Variants in KANK4 observed in about 807,000 individuals in gnomAD.
The protein encoded by KANK4 is KN motif and ankyrin repeat domain-containing protein 4.
In KANK4, 50 loss-of-function variants were observed where a neutral mutation model predicts 80.8. The ratio of observed to expected loss-of-function variants is 0.62; its 90% CI spans 0.49 to 0.78. The LOEUF is 0.78. Among genes scored for constraint, KANK4 ranks in the 30% least tolerant of loss-of-function variants. The pLI is 0.00. For missense variants in KANK4, 1,196 were observed against 1,240.1 expected, an observed-to-expected ratio of 0.96 and a Z score of 0.53; for synonymous variants, 465 against 506.9, an observed-to-expected ratio of 0.92 and a Z score of 1.11.
Position 62,275,011 on chromosome 1 carries a change from A to G in KANK4, c.93T>C (p.Tyr31=). 6.2e-7 allele frequency: 1 copy of G among 1,614,124 alleles called. No individual in the cohort carries two copies. The highest frequency in any genetic ancestry group is 8.5e-7 in the Non-Finnish European group (1 of 1,180,000). ...GGAAGTCCAGGTCTAAATGAAAGCC[A>G]TATGGGGTCTCCACAGAATAAGGGT... The part of the protein sequence containing the change: ...KSHPYSVETP[Y]GFHLDLDFLK... Residue 31 remains tyrosine (Y), a synonymous_variant, in exon 3 of 10, where the codon TAT becomes TAC. Coordinates refer to ENST00000371153, the MANE Select transcript of KANK4 (RefSeq NM_181712.5).
At chr1:62,281,710 C>G (rs1469415790) in intron 1 of KANK4, 76 bp from the exon 2 acceptor site, 12 of 915,526 alleles carry the variant, frequency 1.3e-5, no homozygotes, top group South Asian at 2.6e-5. Context: ...CAGCACTAAA[C>G]AAAGTAACAT....
chr1:62,268,435 CCT>C lies in KANK4; in HGVS notation c.2081_2082del (p.Glu694GlyfsTer6). 6.2e-7 allele frequency: 1 copy of C among 1,613,944 alleles called. No individual in the cohort carries two copies. The highest frequency in any genetic ancestry group is 1.7e-5 in the Admixed American group (1 of 60,022). On this transcript the variant is annotated frameshift_variant, in exon 5 of 10. Coordinates refer to ENST00000371153, the MANE Select transcript of KANK4 (RefSeq NM_181712.5). LOFTEE classifies it high-confidence loss of function. ...TCTGGGCCGTCACACTTCTTCTCTG[CCT>C]CGCTGTCAGACAAGTCCTCTGGGGT... The part of the protein sequence containing the change: ...DSTPEDLSDS[E>X]AEKKCDGPDH...
intron 1 of KANK4, among the ~76,000 whole-genome samples, chr1:62,286,749 T>C (rs1016224635): frequency 6.6e-6 from 1 of 152,116 alleles, no homozygotes; most frequent in Non-Finnish European, 1.5e-5. Context: ...AGAAACATCC[T>C]TCCCTACCCC....
chr1:62,274,165 C>T lies in KANK4; in HGVS notation c.939G>A (p.Pro313=), dbSNP rs559482425. ...TTCTCATGTCCACCTCTACAGGTGG[C>T]GGGGGTGGAATCTCGCTGATGTTGA... The part of the protein sequence containing the change: ...IELNISEIPP[P]PPVEVDMRSI... Residue 313 remains proline (P), a synonymous_variant, in exon 3 of 10, where the codon CCG becomes CCA. Coordinates refer to ENST00000371153, the MANE Select transcript of KANK4 (RefSeq NM_181712.5). The T allele has an allele frequency of 4.3e-5, 70 of 1,614,114 alleles. 1 individual carries two copies. The Middle Eastern group carries it at 1.8e-3, about 42-fold the overall frequency.
rs77269598 is a variant in KANK4, at chr1:62,288,473, G to A, written c.-70-6839C>T. Among the ~76,000 whole-genome samples, 1,226 of 152,284 alleles carry A rather than the reference G, an allele frequency of 8.1e-3. 15 individuals are homozygous for A. The highest frequency in any genetic ancestry group is 0.029 in the African/African-American group (1,187 of 41,540). On this transcript the variant is annotated intron_variant, in intron 1 of 9. Transcript: ENST00000371153. ...GGCTGCACAGGGCTGAGAAGGGCAC[G>A]CTTGTTAGGTATTCACACACTCAAA... is the stretch of plus-strand genomic sequence containing the variant.
At chr1:62,251,887 G>A (rs1374027754) in intron 8 of KANK4, among the ~76,000 whole-genome samples, 1 of 151,886 alleles carries the variant, frequency 6.6e-6, no homozygotes, top group Non-Finnish European at 1.5e-5. Flanking sequence ...AGCTACTTGG[G>A]AGGCTGAGGC....
chr1:62,273,747 CA>C lies in KANK4; in HGVS notation c.1356del (p.Asn452LysfsTer113). 3 of 1,614,124 alleles carry C rather than the reference CA, an allele frequency of 1.9e-6. No individual in the cohort carries two copies. The highest frequency in any genetic ancestry group is 2.5e-6 in the Non-Finnish European group (3 of 1,180,008). Reference protein sequence around the residue: ...SESWGHRGEENGLLWGPDGHK... With the variant: ...SESWGHRGEEXGLLWGPDGHK... Reference sequence around the variant, plus strand: ...TGACCATCTGGCCCCCATAGGAGGCCATTCTCCTCTCCTCGGTGCCCCCAGC... The same window carrying C: ...TGACCATCTGGCCCCCATAGGAGGCCTTCTCCTCTCCTCGGTGCCCCCAGC... On this transcript the variant is annotated frameshift_variant, in exon 3 of 10. Coordinates refer to ENST00000371153, the MANE Select transcript of KANK4 (RefSeq NM_181712.5). LOFTEE classifies it high-confidence loss of function.
intron 2 of KANK4, among the ~76,000 whole-genome samples, chr1:62,277,071 C>T (rs1160278029): frequency 6.6e-6 from 1 of 152,122 alleles, no homozygotes; most frequent in African/African-American, 2.4e-5. Context: ...TAAGCTAGAC[C>T]CTAAGGACAC....
Position 62,274,369 on chromosome 1 carries a change from G to T in KANK4, c.735C>A (p.Leu245=), listed in dbSNP as rs1239022735. The stretch of plus-strand genomic sequence containing the variant: ...ATGAGAAAGGAGGGCCTGGGAGAGG[G>T]AGGTGATTTGGAACCTTCACCACAC... ...PEGVVKVPNH[L]PLPGPPFSFQ... The change falls in exon 3 of 10, where the codon CTC becomes CTA. Residue 245 remains leucine, a synonymous_variant. Transcript: ENST00000371153. 6 of 1,614,182 alleles carry T rather than the reference G, an allele frequency of 3.7e-6. No homozygotes were observed. The highest frequency in any genetic ancestry group is 5.1e-6 in the Non-Finnish European group (6 of 1,180,016).
At chr1:62,295,589 C>G (rs1644357237) in intron 1 of KANK4, among the ~76,000 whole-genome samples, 1 of 152,194 alleles carries the variant, frequency 6.6e-6, no homozygotes, top group Non-Finnish European at 1.5e-5. Flanking sequence ...AAATATAAAA[C>G]AGGGTCTTGG....
intron 9 of KANK4, among the ~76,000 whole-genome samples, chr1:62,244,434 T>G (rs1671419473): frequency 6.6e-6 from 1 of 152,122 alleles, no homozygotes; most frequent in Non-Finnish European, 1.5e-5. Flanking sequence ...CATCTTGAAT[T>G]CCCATGTGTT....
chr1:62,264,425 A>AAAAT (rs998023256), intron 6 of KANK4, among the ~76,000 whole-genome samples: 40 of 152,318 alleles, frequency 2.6e-4, no homozygotes, highest in African/African-American at 8.9e-4. Flanking sequence ...TTAAAAAATA[A>AAAAT]AAATAAATAA....
Position 62,271,577 on chromosome 1 carries a change from G to A in KANK4, c.1913C>T (p.Ser638Leu), listed in dbSNP as rs776345459. 5.0e-6 allele frequency: 8 copies of A among 1,612,508 alleles called. No homozygotes were observed. The East Asian group carries it at 1.1e-4, about 22-fold the overall frequency. ...SSSPPVEISP[S>L]TSLKSIMKKK... The stretch of plus-strand genomic sequence containing the variant: ...TTTCATTATGGATTTAAGGCTGGTC[G>A]ATGGGGAGATCTCTAGGCAGACACA... Residue 638 changes from serine to leucine, a missense_variant, in exon 4 of 10, where the codon TCG (serine) becomes TTG (leucine). Coordinates refer to ENST00000371153, the MANE Select transcript of KANK4 (RefSeq NM_181712.5).
chr1:62,291,515 C>T (rs147039460), intron 1 of KANK4, among the ~76,000 whole-genome samples: 1 of 152,336 alleles, frequency 6.6e-6, no homozygotes, highest in African/African-American at 2.4e-5. Flanking sequence ...AATCATAGCT[C>T]ACCACAGGCT....
intron 4 of KANK4, 32 bp from the exon 5 acceptor site, chr1:62,268,537 T>C (rs1672083948): frequency 6.3e-7 from 1 of 1,581,102 alleles, no homozygotes; most frequent in Non-Finnish European, 8.7e-7. Flanking sequence ...ACTCGTCCTG[T>C]CTTTCCTGCC....
chr1:62,309,802 T>G (rs188132077), intron 1 of KANK4, among the ~76,000 whole-genome samples: 1 of 152,042 alleles, frequency 6.6e-6, no homozygotes, highest in Admixed American at 6.5e-5. Context: ...AGGTAACACA[T>G]CTACATTTTA....
chr1:62,302,502 C>A (rs1217263244), intron 1 of KANK4, among the ~76,000 whole-genome samples: 1 of 151,850 alleles, frequency 6.6e-6, no homozygotes, highest in African/African-American at 2.4e-5. Flanking sequence ...CTGAATGAGC[C>A]CCCTCTAAAA....
chr1:62,308,639 T>C (rs1644473103), intron 1 of KANK4, among the ~76,000 whole-genome samples: 1 of 151,868 alleles, frequency 6.6e-6, no homozygotes, highest in Non-Finnish European at 1.5e-5. Context: ...CCACCAACAC[T>C]CATCCCAAGA....
chr1:62,283,585 G>A (rs1557496699), intron 1 of KANK4, among the ~76,000 whole-genome samples: 1 of 152,140 alleles, frequency 6.6e-6, no homozygotes, highest in Non-Finnish European at 1.5e-5. Flanking sequence ...GCTTCTGACT[G>A]GTGCTTCTCT....
Sources: gnomAD v4.1 joint callset for allele counts (sites outside exome capture counted in the v4.1 genomes callset) on GRCh38, gnomAD v4.1.1 for gene constraint, MANE v1.5 for transcripts, NCBI Gene and HGNC (gene_info 2026-07-23, HGNC 2026-07-21) for gene names.